Variants in RBM19 observed in about 807,000 individuals in gnomAD.
RBM19 encodes probable RNA-binding protein 19.
In RBM19, 94 loss-of-function variants were observed where a neutral mutation model predicts 116.8. The ratio of observed to expected loss-of-function variants is 0.80; its 90% CI spans 0.68 to 0.95. The LOEUF (loss-of-function observed/expected upper bound fraction) is 0.95, where lower values mean the gene tolerates loss of function less well. RBM19 is among the 40% of genes least tolerant of loss of function. The probability of loss-of-function intolerance (pLI) is 0.00; values close to 1 mark genes in which losing one functional copy is unlikely to be tolerated. For synonymous variants in RBM19, 475 were observed against 494.1 expected (o/e 0.96, Z 0.51); for missense variants, 1,161 against 1,220.7 (o/e 0.95, Z 0.73).
At chr12:113,932,012 G>C (rs368886162) in intron 16 of RBM19, among the ~76,000 whole-genome samples, 1 of 152,210 alleles carries the variant, frequency 6.6e-6, no homozygotes, top group Non-Finnish European at 1.5e-5. Flanking sequence ...GCTCAGAACA[G>C]ATCTACTTGT....
chr12:113,948,942 G>T lies in RBM19; in HGVS notation c.1167C>A (p.Leu389=). Residue 389 remains leucine, a synonymous_variant, in exon 10 of 24, where the codon CTC becomes CTA. Coordinates refer to ENST00000261741, the MANE Select transcript of RBM19 (RefSeq NM_016196.4). ...GGTCCTCCTCCTCTTCGTTCTCCCC[G>T]AGTATCCGGCCTTGCCAGGATTTGG... is the stretch of plus-strand genomic sequence containing the variant. The part of the protein sequence containing the change: ...NTTKSWQGRI[L]GENEEEEDLA... 6.2e-7 allele frequency: 1 copy of T among 1,614,184 alleles called. No homozygotes were observed. The highest frequency in any genetic ancestry group is 2.2e-5 in the East Asian group (1 of 44,884).
In RBM19 at chr12:113,937,024, G is replaced by A; in HGVS notation, c.2051C>T (p.Pro684Leu). Residue 684 changes from proline (P) to leucine (L), a missense_variant, in exon 16 of 24, where the codon CCA (proline) becomes CTA (leucine). Coordinates refer to ENST00000261741, the MANE Select transcript of RBM19 (RefSeq NM_016196.4). ...GCTCTTACCTGTTTCTGGCTCTGCT[G>A]GGTCCTTTTCCATGGGTTCTGAAGG... ...DTPSEPMEKD[P>L]AEPETVPDGE... 4 of 1,614,058 alleles carry A rather than the reference G, an allele frequency of 2.5e-6. No individual in the cohort carries two copies. Among genetic ancestry groups the A allele is most frequent in the South Asian group, 1.1e-5 (1 of 91,082 alleles).
At chr12:113,888,900 A>C (rs150985136) in intron 21 of RBM19, among the ~76,000 whole-genome samples, 2 of 152,354 alleles carry the variant, frequency 1.3e-5, no homozygotes, top group Non-Finnish European at 2.9e-5. Flanking sequence ...ATAGAAATAA[A>C]GGCAGTGGTT....
intron 8 of RBM19, 108 bp from the exon 9 acceptor site, chr12:113,950,262 C>A: frequency 1.1e-6 from 1 of 888,536 alleles, no homozygotes. Flanking sequence ...GAGGGAGAAA[C>A]CTCTACCTTG....
At chr12:113,840,260 C>A (rs1200407293) in intron 23 of RBM19, among the ~76,000 whole-genome samples, 2 of 152,182 alleles carry the variant, frequency 1.3e-5, no homozygotes, top group Non-Finnish European at 2.9e-5. Flanking sequence ...TCTTTGGCTC[C>A]AAACTCTCAG....
intron 20 of RBM19, among the ~76,000 whole-genome samples, chr12:113,916,620 C>T (rs565763104): frequency 6.6e-6 from 1 of 152,172 alleles, no homozygotes; most frequent in African/African-American, 2.4e-5. Flanking sequence ...ATTGTGGCCT[C>T]CTTCTTCCCC....
At chr12:113,852,414 TC>T (rs1471291035) in intron 22 of RBM19, among the ~76,000 whole-genome samples, 1 of 152,202 alleles carries the variant, frequency 6.6e-6, no homozygotes. Flanking sequence ...TTTCAATTCC[TC>T]CAGGGCTCTG....
At chr12:113,942,541 C>T (rs2135911067) in intron 13 of RBM19, 107 bp from the exon 14 acceptor site, 2 of 839,644 alleles carry the variant, frequency 2.4e-6, no homozygotes, top group Non-Finnish European at 3.7e-6. Flanking sequence ...AAATGGATTC[C>T]ACGGATGCCG....
chr12:113,825,934 C>A lies in RBM19; in HGVS notation c.2786-2613G>T, dbSNP rs1377398918. On this transcript the variant is annotated intron_variant, in intron 23 of 23. Transcript: ENST00000261741. This position sits in a 1 kb window ranked among gnomAD's most constrained non-coding sequence, Gnocchi z 5.7. ...TCAAGCCTCCAGGGGCACCATCTCA[C>A]CTGGGGAAAAGCTAAAGCTGTCACG... is the stretch of plus-strand genomic sequence containing the variant. 1.3e-5 allele frequency among the ~76,000 whole-genome samples: 2 copies of A among 152,202 alleles called. No individual in the cohort carries two copies. The highest frequency in any genetic ancestry group is 2.9e-5 in the Non-Finnish European group (2 of 68,032).
In RBM19 at chr12:113,939,959, C is replaced by A; in HGVS notation, c.1938+1G>T. ...CAATTCTGGGTCTCCAGCAGCCCTA[C>A]CTTGGAATAGGCCAGATGCCTGAAG... On this transcript the variant is annotated splice_donor_variant, in intron 15 of 23. Coordinates refer to ENST00000261741, the MANE Select transcript of RBM19 (RefSeq NM_016196.4). LOFTEE classifies it high-confidence loss of function. The A allele has an allele frequency of 6.2e-7, 1 of 1,613,810 alleles. No homozygotes were observed. Among genetic ancestry groups the A allele is most frequent in the Non-Finnish European group, 8.5e-7 (1 of 1,179,894 alleles).
intron 21 of RBM19, among the ~76,000 whole-genome samples, chr12:113,865,293 A>T (rs1161311108): frequency 3.3e-5 from 5 of 151,568 alleles, no homozygotes; most frequent in Admixed American, 3.3e-4. Context: ...TTCACAATTG[A>T]CTCTTTCTTG....
chr12:113,936,804 TA>T, intron 16 of RBM19: 1 of 598,730 alleles, frequency 1.7e-6, no homozygotes, highest in Non-Finnish European at 2.7e-6. Flanking sequence ...ATTGACAAAC[TA>T]AAAGCATATT....
intron 7 of RBM19, among the ~76,000 whole-genome samples, chr12:113,952,804 C>T (rs940549170): frequency 6.6e-6 from 1 of 152,106 alleles, no homozygotes; most frequent in Admixed American, 6.5e-5. Context: ...TATAAAATAG[C>T]AGTGTCACTA....
intron 13 of RBM19, among the ~76,000 whole-genome samples, chr12:113,942,917 T>C (rs1020110745): frequency 1.3e-5 from 2 of 152,144 alleles, no homozygotes; most frequent in African/African-American, 4.8e-5. Context: ...GGCCCCCCAG[T>C]GGCTCTGGCT....
chr12:113,957,879 G>A lies in RBM19; in HGVS notation c.743C>T (p.Ser248Phe). 1 of 1,614,130 alleles carries A rather than the reference G, an allele frequency of 6.2e-7. No individual in the cohort carries two copies. Residue 248 changes from serine (S) to phenylalanine (F), a missense_variant, in exon 6 of 24, where the codon TCC (serine) becomes TTC (phenylalanine). Physicochemically the swap from Ser to Phe is radical, Grantham distance 155. Coordinates refer to ENST00000261741, the MANE Select transcript of RBM19 (RefSeq NM_016196.4). The stretch of plus-strand genomic sequence containing the variant: ...TCTTTCCTGCAGGACTGGGGTGGCG[G>A]AGGAATCCTCTTCCTCGGCCTCACT... The part of the protein sequence containing the change: ...EGSEAEEEDS[S>F]ATPVLQERDS...
At chr12:113,820,427 C>T (rs900464150), downstream of RBM19, among the ~76,000 whole-genome samples, 1 of 152,010 alleles carries the variant, frequency 6.6e-6, no homozygotes, top group Non-Finnish European at 1.5e-5. Context: ...AGCTCGAGGG[C>T]CCTGGGGTGG....
chr12:113,932,470 C>G (rs904144093), intron 16 of RBM19: 4 of 152,190 alleles, frequency 2.6e-5, no homozygotes, highest in Non-Finnish European at 5.9e-5. Context: ...GCCCTCGGCC[C>G]TCCCTCTCCT....
At chr12:113,863,033 G>A (rs922930187) in intron 21 of RBM19, among the ~76,000 whole-genome samples, 1 of 147,038 alleles carries the variant, frequency 6.8e-6, no homozygotes, top group Admixed American at 6.7e-5. Flanking sequence ...TTGTTGTCAC[G>A]TTTCTAATTT....
chr12:113,848,907 C>T (rs1877213510), intron 22 of RBM19, among the ~76,000 whole-genome samples: 1 of 152,188 alleles, frequency 6.6e-6, no homozygotes, highest in African/African-American at 2.4e-5. Flanking sequence ...GCCTTCTTAG[C>T]ATGGATGATC....
Sources: gnomAD v4.1 joint callset for allele counts (sites outside exome capture counted in the v4.1 genomes callset) on GRCh38, gnomAD v4.1.1 for gene constraint, Gnocchi (gnomAD v3.1) non-coding constraint, MANE v1.5 for transcripts, NCBI Gene and HGNC (gene_info 2026-07-23, HGNC 2026-07-21) for gene names.